The following CDK19 variants were observed in gnomAD, a reference collection of about 807,000 sequenced individuals.
CDK19 encodes cyclin-dependent kinase 19.
A neutral mutation model predicts 68.3 loss-of-function variants in CDK19; 20 were observed. That is an observed-to-expected ratio of 0.29 (90% CI 0.21 to 0.43). The LOEUF (loss-of-function observed/expected upper bound fraction) is 0.43, where lower values mean the gene tolerates loss of function less well. Ranked by LOEUF, CDK19 falls within the 20% of genes least tolerant of loss-of-function variation. The pLI is 1.00. For synonymous variants in CDK19, 221 were observed against 222.8 expected, an observed-to-expected ratio of 0.99 and a Z score of 0.07; for missense variants, 339 against 623.5, an observed-to-expected ratio of 0.54 and a Z score of 4.86.
At chr6:110,648,062 C>T (rs749169492) in intron 4 of CDK19, among the ~76,000 whole-genome samples, 1 of 152,068 alleles carries the variant, frequency 6.6e-6, no homozygotes, top group African/African-American at 2.4e-5. Flanking sequence ...GCAAGTTAGG[C>T]TAGAAAAAAT....
intron 12 of CDK19, among the ~76,000 whole-genome samples, chr6:110,617,183 A>C (rs1778366877): frequency 6.6e-6 from 1 of 152,020 alleles, no homozygotes; most frequent in African/African-American, 2.4e-5. Context: ...CCAGAACCCC[A>C]CTTCCCCAAC....
At chr6:110,619,581 G>T (rs1256521494) in intron 12 of CDK19, among the ~76,000 whole-genome samples, 1 of 151,618 alleles carries the variant, frequency 6.6e-6, no homozygotes, top group Non-Finnish European at 1.5e-5. Context: ...AATCCTGTTA[G>T]AGCAAGAATC....
At chr6:110,655,450 A>G (rs1451833982) in intron 4 of CDK19, among the ~76,000 whole-genome samples, 1 of 152,118 alleles carries the variant, frequency 6.6e-6, no homozygotes, top group Non-Finnish European at 1.5e-5. Flanking sequence ...AACTTTCCAT[A>G]TATCTCAGAG....
chr6:110,723,134 TCAAAAAAAACAAAAAA>T (rs1330773466), intron 2 of CDK19, among the ~76,000 whole-genome samples: 12 of 39,712 alleles, frequency 3.0e-4, no homozygotes, highest in Non-Finnish European at 5.2e-4. Flanking sequence ...CAAGGCTTTG[TCAAAAAAAACAAAAAA>T]CAAAAAAAAA....
intron 1 of CDK19, among the ~76,000 whole-genome samples, chr6:110,776,771 T>C (rs751701001): frequency 6.6e-6 from 1 of 152,236 alleles, no homozygotes; most frequent in Non-Finnish European, 1.5e-5. Context: ...GAATATTACA[T>C]ATAATCCTGA....
intron 1 of CDK19, among the ~76,000 whole-genome samples, chr6:110,784,250 A>T (rs756116325): frequency 6.6e-5 from 10 of 152,156 alleles, no homozygotes; most frequent in Non-Finnish European, 1.3e-4. Context: ...ACATCACATA[A>T]GAGCACAATG....
At chr6:110,678,005 C>G (rs527701386) in intron 2 of CDK19, among the ~76,000 whole-genome samples, 1 of 152,064 alleles carries the variant, frequency 6.6e-6, no homozygotes, top group African/African-American at 2.4e-5. Context: ...AGCCACCATG[C>G]CCAGCTGATT....
chr6:110,696,876 T>C (rs992733628), intron 2 of CDK19, among the ~76,000 whole-genome samples: 7 of 151,730 alleles, frequency 4.6e-5, no homozygotes, highest in African/African-American at 4.8e-5. Flanking sequence ...CTGGGCAACA[T>C]GGCAAAACCC....
intron 1 of CDK19, among the ~76,000 whole-genome samples, chr6:110,812,456 G>A (rs1783181050): frequency 6.6e-6 from 1 of 152,152 alleles, no homozygotes; most frequent in South Asian, 2.1e-4. Flanking sequence ...GAAAAACTCA[G>A]ATGTAAATCT....
rs756420255 is a variant in CDK19 at position 110,627,070 on chromosome 6, A to G, written c.722T>C (p.Ile241Thr). The stretch of plus-strand genomic sequence containing the variant: ...ATGATGAAAGGGATTGCTTGTTTTT[A>G]TATCTTCCTGACGACAGTGAAAAAT... ...EPIFHCRQED[I>T]KTSNPFHHDQ... Residue 241 changes from isoleucine (I) to threonine (T), a missense_variant, in exon 7 of 13, where the codon ATA (isoleucine) becomes ACA (threonine). Ile to Thr is a moderately conservative substitution (Grantham distance 89). This residue lies in a region of CDK19 where 63 missense variants were observed against 156.5 expected (regional missense o/e 0.40). Coordinates refer to ENST00000368911, the MANE Select transcript of CDK19 (RefSeq NM_015076.5). 14 of 1,612,900 alleles carry G rather than the reference A, an allele frequency of 8.7e-6. No homozygotes were observed. Among genetic ancestry groups the G allele is most frequent in the Non-Finnish European group, 1.2e-5 (14 of 1,179,224 alleles).
chr6:110,735,797 G>A (rs1217005679), intron 2 of CDK19, among the ~76,000 whole-genome samples: 1 of 152,184 alleles, frequency 6.6e-6, no homozygotes, highest in Non-Finnish European at 1.5e-5. Context: ...GTAAGACTCT[G>A]CCCTGACAGG....
chr6:110,790,900 G>A (rs1041580681), intron 1 of CDK19, among the ~76,000 whole-genome samples: 37 of 152,156 alleles, frequency 2.4e-4, no homozygotes, highest in Non-Finnish European at 4.4e-4. Flanking sequence ...GGCCGGGTGC[G>A]GTGGCTCACG....
At chr6:110,625,895 T>C (rs1441701091) in intron 8 of CDK19, among the ~76,000 whole-genome samples, 1 of 152,210 alleles carries the variant, frequency 6.6e-6, no homozygotes, top group Admixed American at 6.5e-5. Context: ...GAAATTTTCC[T>C]GGTAAGTTGC....
chr6:110,778,293 A>G (rs990781813), intron 1 of CDK19, among the ~76,000 whole-genome samples: 6 of 152,242 alleles, frequency 3.9e-5, no homozygotes, highest in African/African-American at 1.4e-4. Flanking sequence ...TTTAAAAATC[A>G]TACTACACAC....
chr6:110,646,131 G>A (rs2114824283), intron 4 of CDK19: 1 of 912,706 alleles, frequency 1.1e-6, no homozygotes, highest in Non-Finnish European at 1.7e-6. Context: ...CATCTCTGAT[G>A]CTAACACCTT....
In CDK19 at chr6:110,785,047, T is replaced by C. The variant is rs1261462635; in HGVS notation, c.128+29962A>G. On this transcript the variant is annotated intron_variant, in intron 1 of 12. Coordinates refer to ENST00000368911, the MANE Select transcript of CDK19 (RefSeq NM_015076.5). ...TAATGGTGATAATTATACAATCCTG[T>C]GCATATGCTAAAAACCACTGAATTG... 5.1e-5 allele frequency among the ~76,000 whole-genome samples: 7 copies of C among 137,440 alleles called. No homozygotes were observed. The Middle Eastern group carries it at 0.012, about 239-fold the overall frequency. The allele number at this position is 137,440 out of a possible 152,430, so 90.2% of individuals were successfully genotyped here.
At chr6:110,643,077 G>T (rs1238173722) in intron 4 of CDK19, 1 of 568,582 alleles carries the variant, frequency 1.8e-6, no homozygotes, top group Non-Finnish European at 2.6e-6. Flanking sequence ...CACCAGCAAG[G>T]TAAGGAAGCT....
Position 110,815,370 on chromosome 6 carries a change from T to G in CDK19, c.-234A>C. ...CCTCCTCCGCGACGGCGGCGGCGGC[T>G]CCCGCAGGCACCCCCAGTCCCGCCT... On this transcript the variant is annotated 5_prime_UTR_variant, in exon 1 of 13. Transcript: ENST00000368911. The G allele has an allele frequency of 2.7e-6, 1 of 374,426 alleles. No individual in the cohort carries two copies. Among genetic ancestry groups the G allele is most frequent in the Non-Finnish European group, 4.7e-6 (1 of 213,660 alleles). 23.2% of individuals were successfully genotyped at this position (374,426 alleles called of 1,614,324 possible).
At chr6:110,742,476 G>A (rs1777753612) in intron 2 of CDK19, among the ~76,000 whole-genome samples, 1 of 152,132 alleles carries the variant, frequency 6.6e-6, no homozygotes, top group South Asian at 2.1e-4. Context: ...AGGGAACAAG[G>A]GAAGAAAACC....
Sources: gnomAD v4.1 joint callset for allele counts (sites outside exome capture counted in the v4.1 genomes callset) on GRCh38, gnomAD v4.1.1 for gene constraint, gnomAD v4.1.1 regional missense constraint, MANE v1.5 for transcripts, NCBI Gene and HGNC (gene_info 2026-07-23, HGNC 2026-07-21) for gene names.